The following OR4L1 variants were observed in gnomAD, a reference collection of about 807,000 sequenced individuals.
The protein encoded by OR4L1 is olfactory receptor family 4 subfamily L member 1, also known as olfactory receptor 4L1.
For synonymous variants in OR4L1, 156 were observed against 135.3 expected (o/e 1.15, Z -1.06); for missense variants, 446 against 368.5 (o/e 1.21, Z -1.72).
Position 20,060,662 on chromosome 14 carries a change from C to G in OR4L1, c.618C>G (p.Leu206=), listed in dbSNP as rs755947311. 5 of 1,613,954 alleles carry G rather than the reference C, an allele frequency of 3.1e-6. No homozygotes were observed. Among genetic ancestry groups the G allele is most frequent in the Non-Finnish European group, 2.5e-6 (3 of 1,179,896 alleles). The change falls in exon 1 of 1, where the codon CTC becomes CTG. Residue 206 remains leucine (L), a synonymous_variant. Coordinates refer to ENST00000315683, the MANE Select transcript of OR4L1 (RefSeq NM_001004717.1). The stretch of plus-strand genomic sequence containing the variant: ...TTGTCATTGCTGACAGCGGGCTGCT[C>G]TCTTTCACCTGTTTCATCCTCTTGC... ...ELFVIADSGL[L]SFTCFILLLV... is the part of the protein sequence containing the mutation.
Position 20,060,579 on chromosome 14 carries a change from T to C in OR4L1, c.535T>C (p.Cys179Arg). 6.2e-7 allele frequency: 1 copy of C among 1,612,780 alleles called. No homozygotes were observed. The highest frequency in any genetic ancestry group is 1.1e-5 in the South Asian group (1 of 90,864). ...CCACAATGTCATAAACAACATATTT[T>C]GTGATCTTCCCCTTGTGATCAAGCT... ...CGHNVINNIFCDLPLVIKLAC... is the reference protein window; with the variant it reads ...CGHNVINNIFRDLPLVIKLAC... Residue 179 changes from cysteine to arginine, a missense_variant, in exon 1 of 1, where the codon TGT becomes CGT. By Grantham distance (180) the Cys-to-Arg change is radical. Transcript: ENST00000315683.
Position 20,060,755 on chromosome 14 carries a change from G to A in OR4L1, c.711G>A (p.Leu237=). 6.2e-7 allele frequency: 1 copy of A among 1,613,060 alleles called. No individual in the cohort carries two copies. The highest frequency in any genetic ancestry group is 8.5e-7 in the Non-Finnish European group (1 of 1,179,466). ...KKSSHGLSKA[L]STLSAHIIVV... ...CATCACATGGGCTCTCCAAGGCGCT[G>A]TCCACATTGTCTGCCCACATCATTG... The change falls in exon 1 of 1, where the codon CTG becomes CTA. Residue 237 remains leucine (L), a synonymous_variant. Coordinates refer to ENST00000315683, the MANE Select transcript of OR4L1 (RefSeq NM_001004717.1).
Position 20,060,197 on chromosome 14 carries a change from T to C in OR4L1, c.153T>C (p.Cys51=), listed in dbSNP as rs775651103. The change falls in exon 1 of 1, where the codon TGT becomes TGC. Residue 51 remains cysteine, a synonymous_variant. Transcript: ENST00000315683. ...TTCTCATTATGGTCACAGTGACATG[T>C]AGGTCAACCCTTCATTCTCCCTTGT... ...GNILIMVTVT[C]RSTLHSPLYF... 4.7e-5 allele frequency: 76 copies of C among 1,607,026 alleles called. No homozygotes were observed. In the South Asian group the frequency reaches 7.9e-4, roughly 17 times the overall value.
chr14:20,060,340 C>T lies in OR4L1; in HGVS notation c.296C>T (p.Thr99Ile). ...ACCATCTCTGTGTGGGGCTGCGTGA[C>T]CCAGATGTTCTTCATGCACTTCTTT... ...HKTISVWGCV[T>I]QMFFMHFFGG... Residue 99 changes from threonine to isoleucine, a missense_variant, in exon 1 of 1, where the codon ACC (threonine) becomes ATC (isoleucine). Transcript: ENST00000315683. The T allele has an allele frequency of 6.2e-7, 1 of 1,601,038 alleles. No individual in the cohort carries two copies. Among genetic ancestry groups the T allele is most frequent in the Non-Finnish European group, 8.5e-7 (1 of 1,174,598 alleles).
At position 20,060,845 on chromosome 14, in the gene OR4L1, C is replaced by G. The variant is rs200065219; in HGVS notation, c.801C>G (p.Ser267Arg). The change falls in exon 1 of 1, where the codon AGC (serine) becomes AGG (arginine). Residue 267 changes from serine (S) to arginine (R), a missense_variant. By Grantham distance (110) the Ser-to-Arg change is moderately radical (BLOSUM62 -1). Coordinates refer to ENST00000315683, the MANE Select transcript of OR4L1 (RefSeq NM_001004717.1). Reference protein sequence around the residue: ...IYVWPFSSLASNKTLAVFYTV... With the variant: ...IYVWPFSSLARNKTLAVFYTV... ...TTTGGCCATTCAGTAGTTTGGCAAG[C>G]AATAAAACTCTTGCCGTATTTTATA... 2 of 1,611,946 alleles carry G rather than the reference C, an allele frequency of 1.2e-6. No individual in the cohort carries two copies. The highest frequency in any genetic ancestry group is 1.3e-5 in the African/African-American group (1 of 74,960).
Position 20,060,064 on chromosome 14 carries a change from C to T in OR4L1, c.20C>T (p.Ser7Phe), listed in dbSNP as rs771565915. The T allele has an allele frequency of 1.3e-6, 2 of 1,522,590 alleles. No individual in the cohort carries two copies. The highest frequency in any genetic ancestry group is 8.8e-7 in the Non-Finnish European group (1 of 1,135,584). 94.3% of individuals were successfully genotyped at this position (1,522,590 alleles called of 1,614,324 possible). A position where few individuals can be genotyped will look rare whatever the true frequency, so the allele number is the denominator to read the frequency against. MDLKNG[S>F]LVTEFILLGF... ...GAGTAAATGGATCTTAAAAATGGAT[C>T]TCTAGTGACCGAGTTTATTTTACTA... The change falls in exon 1 of 1, where the codon TCT becomes TTT. Residue 7 changes from serine to phenylalanine, a missense_variant. Ser to Phe is a radical substitution (Grantham distance 155). Transcript: ENST00000315683.
In OR4L1 at chr14:20,060,819, G is replaced by A; in HGVS notation, c.775G>A (p.Val259Ile). The A allele has an allele frequency of 6.2e-7, 1 of 1,612,584 alleles. No homozygotes were observed. The highest frequency in any genetic ancestry group is 1.7e-5 in the Admixed American group (1 of 59,752). Reference protein sequence around the residue: ...LFFGPCIFIYVWPFSSLASNK... With the variant: ...LFFGPCIFIYIWPFSSLASNK... ...CTTTGGACCTTGTATTTTTATCTAT[G>A]TTTGGCCATTCAGTAGTTTGGCAAG... The change falls in exon 1 of 1, where the codon GTT (valine) becomes ATT (isoleucine). Residue 259 changes from valine (V) to isoleucine (I), a missense_variant. Physicochemically the swap from Val to Ile is conservative, Grantham distance 29 (BLOSUM62 3). Transcript: ENST00000315683.
rs1162704080 is a variant in OR4L1 at position 20,060,594 on chromosome 14, G to T, written c.550G>T (p.Val184Leu). The change falls in exon 1 of 1, where the codon GTG becomes TTG. Residue 184 changes from valine (V) to leucine (L), a missense_variant. Coordinates refer to ENST00000315683, the MANE Select transcript of OR4L1 (RefSeq NM_001004717.1). Reference sequence around the variant, plus strand: ...CAACATATTTTGTGATCTTCCCCTTGTGATCAAGCTTGCTTGCATTGAAAC... The same window carrying T: ...CAACATATTTTGTGATCTTCCCCTTTTGATCAAGCTTGCTTGCATTGAAAC... ...INNIFCDLPLVIKLACIETYT... is the reference protein window; with the variant it reads ...INNIFCDLPLLIKLACIETYT... 1 of 1,612,940 alleles carries T rather than the reference G, an allele frequency of 6.2e-7. No individual in the cohort carries two copies. Among genetic ancestry groups the T allele is most frequent in the East Asian group, 2.2e-5 (1 of 44,858 alleles).
Position 20,060,705 on chromosome 14 carries a change from A to T in OR4L1, c.661A>T (p.Ile221Phe), listed in dbSNP as rs770618218. The T allele has an allele frequency of 1.2e-6, 2 of 1,613,730 alleles. No individual in the cohort carries two copies. Among genetic ancestry groups the T allele is most frequent in the East Asian group, 4.5e-5 (2 of 44,890 alleles). ...CCTCTTGCTTGTTTCTTACATTGTC[A>T]TCCTGGTCAGTGTACCAAAAAAATC... ...FILLLVSYIV[I>F]LVSVPKKSSH... Residue 221 changes from isoleucine to phenylalanine, a missense_variant, in exon 1 of 1, where the codon ATC becomes TTC. Transcript: ENST00000315683.
chr14:20,060,218 C>G lies in OR4L1; in HGVS notation c.174C>G (p.Pro58=). ...CATGTAGGTCAACCCTTCATTCTCC[C>G]TTGTACTTTCTCCTTGGAAATCTCT... ...TVTCRSTLHS[P]LYFLLGNLSF... is the part of the protein sequence containing the mutation. Residue 58 remains proline (P), a synonymous_variant, in exon 1 of 1, where the codon CCC becomes CCG. Coordinates refer to ENST00000315683, the MANE Select transcript of OR4L1 (RefSeq NM_001004717.1). The G allele has an allele frequency of 6.2e-7, 1 of 1,606,432 alleles. No homozygotes were observed. Among genetic ancestry groups the G allele is most frequent in the South Asian group, 1.1e-5 (1 of 89,656 alleles).
rs766336684 is a variant in OR4L1 at position 20,060,543 on chromosome 14, C to T, written c.499C>T (p.Pro167Ser). ...CCAGATAGTTTTAACAATGAACTTG[C>T]CTTTCTGTGGCCACAATGTCATAAA... is the stretch of plus-strand genomic sequence containing the variant. ...ISQIVLTMNL[P>S]FCGHNVINNI... The change falls in exon 1 of 1, where the codon CCT (proline) becomes TCT (serine). Residue 167 changes from proline (P) to serine (S), a missense_variant. Physicochemically the swap from Pro to Ser is moderately conservative, Grantham distance 74 (BLOSUM62 -1). Coordinates refer to ENST00000315683, the MANE Select transcript of OR4L1 (RefSeq NM_001004717.1). 2 of 1,612,016 alleles carry T rather than the reference C, an allele frequency of 1.2e-6. No homozygotes were observed. The highest frequency in any genetic ancestry group is 1.7e-5 in the Admixed American group (1 of 59,832).
At position 20,060,827 on chromosome 14, in the gene OR4L1, A is replaced by T. The variant is rs992774815; in HGVS notation, c.783A>T (p.Pro261=). The T allele has an allele frequency of 6.2e-7, 1 of 1,612,834 alleles. No homozygotes were observed. The highest frequency in any genetic ancestry group is 1.1e-5 in the South Asian group (1 of 90,808). Residue 261 remains proline, a synonymous_variant, in exon 1 of 1, where the codon CCA becomes CCT. Coordinates refer to ENST00000315683, the MANE Select transcript of OR4L1 (RefSeq NM_001004717.1). ...FGPCIFIYVW[P]FSSLASNKTL... is the part of the protein sequence containing the mutation. ...CTTGTATTTTTATCTATGTTTGGCC[A>T]TTCAGTAGTTTGGCAAGCAATAAAA... is the stretch of plus-strand genomic sequence containing the variant.
In OR4L1 at chr14:20,060,059, T is replaced by G; in HGVS notation, c.15T>G (p.Asn5Lys). 1 of 1,501,068 alleles carries G rather than the reference T, an allele frequency of 6.7e-7. No individual in the cohort carries two copies. The highest frequency in any genetic ancestry group is 1.4e-5 in the South Asian group (1 of 69,686). 93.0% of individuals were successfully genotyped at this position (1,501,068 alleles called of 1,614,324 possible). Reference protein sequence around the residue: MDLKNGSLVTEFILL... With the variant: MDLKKGSLVTEFILL... ...GAGTTGAGTAAATGGATCTTAAAAA[T>G]GGATCTCTAGTGACCGAGTTTATTT... The change falls in exon 1 of 1, where the codon AAT becomes AAG. Residue 5 changes from asparagine to lysine, a missense_variant. Coordinates refer to ENST00000315683, the MANE Select transcript of OR4L1 (RefSeq NM_001004717.1).
Position 20,060,317 on chromosome 14 carries a change from C to T in OR4L1, c.273C>T (p.Thr91=). 6.2e-7 allele frequency: 1 copy of T among 1,601,276 alleles called. No individual in the cohort carries two copies. The highest frequency in any genetic ancestry group is 8.5e-7 in the Non-Finnish European group (1 of 1,174,628). ...TAGATTTGCTCACTGACCACAAGAC[C>T]ATCTCTGTGTGGGGCTGCGTGACCC... ...MIIDLLTDHK[T]ISVWGCVTQM... The change falls in exon 1 of 1, where the codon ACC becomes ACT. Residue 91 remains threonine, a synonymous_variant. Coordinates refer to ENST00000315683, the MANE Select transcript of OR4L1 (RefSeq NM_001004717.1).
rs1292011915 is a variant in OR4L1, at chr14:20,060,549, T to C, written c.505T>C (p.Cys169Arg). 1.2e-6 allele frequency: 2 copies of C among 1,612,110 alleles called. No individual in the cohort carries two copies. The change falls in exon 1 of 1, where the codon TGT (cysteine) becomes CGT (arginine). Residue 169 changes from cysteine (C) to arginine (R), a missense_variant. Coordinates refer to ENST00000315683, the MANE Select transcript of OR4L1 (RefSeq NM_001004717.1). ...AGTTTTAACAATGAACTTGCCTTTC[T>C]GTGGCCACAATGTCATAAACAACAT... Reference protein sequence around the residue: ...QIVLTMNLPFCGHNVINNIFC... With the variant: ...QIVLTMNLPFRGHNVINNIFC...
chr14:20,060,884 C>G lies in OR4L1; in HGVS notation c.840C>G (p.Pro280=), dbSNP rs1959628. 547,075 of 1,597,966 alleles carry G rather than the reference C, an allele frequency of 0.34. 98,205 individuals are homozygous for G. The highest frequency in any genetic ancestry group is 0.54 in the South Asian group (47,590 of 87,964). Residue 280 remains proline (P), a synonymous_variant, in exon 1 of 1, where the codon CCC becomes CCG. Transcript: ENST00000315683. ...CCGTATTTTATACAGTTATCACACC[C>G]TTACTGAATCCGAGTATTTATACCC... is the stretch of plus-strand genomic sequence containing the variant. ...TLAVFYTVIT[P]LLNPSIYTLR...
In OR4L1 at chr14:20,060,324, G is replaced by A. The variant is rs779048618; in HGVS notation, c.280G>A (p.Val94Met). ...GCTCACTGACCACAAGACCATCTCT[G>A]TGTGGGGCTGCGTGACCCAGATGTT... ...DLLTDHKTISVWGCVTQMFFM... is the reference protein window; with the variant it reads ...DLLTDHKTISMWGCVTQMFFM... Residue 94 changes from valine (V) to methionine (M), a missense_variant, in exon 1 of 1, where the codon GTG (valine) becomes ATG (methionine). By Grantham distance (21) the Val-to-Met change is conservative (BLOSUM62 1). Coordinates refer to ENST00000315683, the MANE Select transcript of OR4L1 (RefSeq NM_001004717.1). 1.2e-6 allele frequency: 2 copies of A among 1,601,104 alleles called. No individual in the cohort carries two copies. The highest frequency in any genetic ancestry group is 1.7e-6 in the Non-Finnish European group (2 of 1,174,706).
chr14:20,060,642 A>G lies in OR4L1; in HGVS notation c.598A>G (p.Ile200Val), dbSNP rs769548087. The G allele has an allele frequency of 1.2e-6, 2 of 1,613,844 alleles. No homozygotes were observed. Among genetic ancestry groups the G allele is most frequent in the Non-Finnish European group, 1.7e-6 (2 of 1,179,856 alleles). ...AACATACACCCTGGAATTATTTGTCATTGCTGACAGCGGGCTGCTCTCTTT... is the reference window on the plus strand; with the variant it reads ...AACATACACCCTGGAATTATTTGTCGTTGCTGACAGCGGGCTGCTCTCTTT... Reference protein sequence around the residue: ...IETYTLELFVIADSGLLSFTC... With the variant: ...IETYTLELFVVADSGLLSFTC... Residue 200 changes from isoleucine (I) to valine (V), a missense_variant, in exon 1 of 1, where the codon ATT becomes GTT. By Grantham distance (29) the Ile-to-Val change is conservative. Transcript: ENST00000315683.
chr14:20,060,695 T>G lies in OR4L1; in HGVS notation c.651T>G (p.Ser217=), dbSNP rs567083075. 1 of 1,613,940 alleles carries G rather than the reference T, an allele frequency of 6.2e-7. No individual in the cohort carries two copies. The highest frequency in any genetic ancestry group is 8.5e-7 in the Non-Finnish European group (1 of 1,179,866). Residue 217 remains serine (S), a synonymous_variant, in exon 1 of 1, where the codon TCT becomes TCG. Transcript: ENST00000315683. ...CCTGTTTCATCCTCTTGCTTGTTTCTTACATTGTCATCCTGGTCAGTGTAC... is the reference window on the plus strand; with the variant it reads ...CCTGTTTCATCCTCTTGCTTGTTTCGTACATTGTCATCCTGGTCAGTGTAC... ...SFTCFILLLV[S]YIVILVSVPK... is the part of the protein sequence containing the mutation.
Sources: gnomAD v4.1 joint callset for allele counts on GRCh38, gnomAD v4.1.1 for gene constraint, MANE v1.5 for transcripts, NCBI Gene and HGNC (gene_info 2026-07-23, HGNC 2026-07-21) for gene names.